THSD4: variants seen among roughly 807,000 people sequenced by gnomAD.
THSD4 encodes the protein thrombospondin type-1 domain-containing protein 4.
THSD4 carries 69 observed loss-of-function variants against 119.0 expected under a neutral mutation model. The observed-to-expected ratio is 0.58, with a 90% CI of 0.48 to 0.71. The LOEUF is 0.71. THSD4 is among the 30% of genes least tolerant of loss of function. The probability of loss-of-function intolerance (pLI) is 0.00; values close to 1 mark genes in which losing one functional copy is unlikely to be tolerated. For synonymous variants in THSD4, 524 were observed against 540.4 expected, an observed-to-expected ratio of 0.97 and a Z score of 0.42; for missense variants, 1,393 against 1,391.1, an observed-to-expected ratio of 1.00 and a Z score of -0.02.
intron 6 of THSD4, among the ~76,000 whole-genome samples, chr15:71,410,686 G>T (rs552817069): frequency 6.6e-6 from 1 of 152,104 alleles, no homozygotes; most frequent in Admixed American, 6.6e-5. Context: ...AGGAAGCTGC[G>T]GCCATTTAAA....
intron 2 of THSD4, among the ~76,000 whole-genome samples, chr15:71,150,199 G>A (rs554569244): frequency 6.6e-6 from 1 of 152,272 alleles, no homozygotes; most frequent in South Asian, 2.1e-4. Context: ...AATAACACAC[G>A]AGTTGCACAC....
intron 6 of THSD4, among the ~76,000 whole-genome samples, chr15:71,265,570 G>C (rs184702475): frequency 4.0e-5 from 6 of 151,500 alleles, no homozygotes; most frequent in African/African-American, 1.2e-4. Context: ...TTTTTTTTTC[G>C]TACCCCAGTG....
intron 7 of THSD4, among the ~76,000 whole-genome samples, chr15:71,500,118 A>G (rs184975338): frequency 7.0e-4 from 107 of 152,208 alleles, no homozygotes; most frequent in Admixed American, 2.7e-3. Flanking sequence ...ATGGGTTCCA[A>G]TTTCTCCACA....
intron 3 of THSD4, among the ~76,000 whole-genome samples, chr15:71,174,543 G>C (rs1200389987): frequency 2.9e-4 from 1 of 3,506 alleles, no homozygotes; most frequent in African/African-American, 8.6e-4. Context: ...ACTGCAAGGC[G>C]GCAACGAGGC....
intron 8 of THSD4, among the ~76,000 whole-genome samples, chr15:71,701,617 G>T (rs1184072322): frequency 6.6e-6 from 1 of 151,998 alleles, no homozygotes; most frequent in Admixed American, 6.6e-5. Flanking sequence ...TAAAAATAAT[G>T]GACTAGCTCT....
At chr15:71,552,876 C>T (rs141928666) in intron 7 of THSD4, among the ~76,000 whole-genome samples, 108 of 152,264 alleles carry the variant, frequency 7.1e-4, no homozygotes, top group African/African-American at 2.3e-3. Flanking sequence ...TCAAGTGATC[C>T]GCCCTCCTTG....
intron 7 of THSD4, among the ~76,000 whole-genome samples, chr15:71,543,402 G>T (rs1321081221): frequency 1.3e-5 from 2 of 152,158 alleles, no homozygotes; most frequent in African/African-American, 4.8e-5. Flanking sequence ...AGATGATGGA[G>T]GGCTGGATGG....
chr15:71,311,526 C>G (rs2045110594), intron 6 of THSD4, among the ~76,000 whole-genome samples: 1 of 152,194 alleles, frequency 6.6e-6, no homozygotes, highest in African/African-American at 2.4e-5. Context: ...CTCCCTGCCC[C>G]TCTTTGTCTG....
chr15:71,111,128 T>C (rs1388786138), upstream of THSD4: 35 of 1,592,800 alleles, frequency 2.2e-5, no homozygotes, highest in Non-Finnish European at 2.6e-5. Flanking sequence ...AAAGTTGTCT[T>C]GTACCAGGTA....
intron 6 of THSD4, among the ~76,000 whole-genome samples, chr15:71,323,406 A>G (rs1484286858): frequency 2.6e-5 from 4 of 152,220 alleles, no homozygotes; most frequent in Non-Finnish European, 5.9e-5. Flanking sequence ...GAAAAGGAGA[A>G]AGAAGGAGCT....
intron 8 of THSD4, among the ~76,000 whole-genome samples, chr15:71,699,412 A>G (rs1460119931): frequency 1.6e-5 from 1 of 62,890 alleles, no homozygotes; most frequent in Non-Finnish European, 2.8e-5. Context: ...ACGGGGTTTC[A>G]CCGTTTTAGC....
chr15:71,488,013 T>C (rs938713255), intron 7 of THSD4, among the ~76,000 whole-genome samples: 1 of 152,190 alleles, frequency 6.6e-6, no homozygotes, highest in African/African-American at 2.4e-5. Context: ...TCTTTTTTCT[T>C]ATTCAGTTAT....
At chr15:71,125,726 G>A (rs750158626) in intron 1 of THSD4, among the ~76,000 whole-genome samples, 39 of 152,228 alleles carry the variant, frequency 2.6e-4, no homozygotes, top group Non-Finnish European at 4.7e-4. Flanking sequence ...GCTCCTGGGT[G>A]TATCTTGGTT....
At chr15:71,204,598 C>T (rs959627499) in intron 3 of THSD4, among the ~76,000 whole-genome samples, 5 of 152,086 alleles carry the variant, frequency 3.3e-5, no homozygotes, top group East Asian at 3.9e-4. Flanking sequence ...ACTGAGGTCC[C>T]GAGCCACAGA....
intron 6 of THSD4, among the ~76,000 whole-genome samples, chr15:71,403,192 A>G (rs1307192122): frequency 6.6e-6 from 1 of 152,106 alleles, no homozygotes; most frequent in Non-Finnish European, 1.5e-5. Context: ...TGGATCCCAC[A>G]CGTTCTACTT....
chr15:71,285,925 ATTAATATCATTG>A (rs1005455955), intron 6 of THSD4, among the ~76,000 whole-genome samples: 2 of 139,762 alleles, frequency 1.4e-5, no homozygotes, highest in African/African-American at 5.2e-5. Flanking sequence ...TAGTTTCTTT[ATTAATATCATTG>A]CAAGAATTTT....
chr15:71,686,478 A>G (rs1567100679), intron 8 of THSD4, among the ~76,000 whole-genome samples: 1 of 152,228 alleles, frequency 6.6e-6, no homozygotes, highest in Admixed American at 6.5e-5. Context: ...TTGTTTTGAG[A>G]TGGCCAGAGC....
intron 17 of THSD4, among the ~76,000 whole-genome samples, chr15:71,774,167 C>T (rs2053871962): frequency 6.6e-6 from 1 of 151,926 alleles, no homozygotes; most frequent in African/African-American, 2.4e-5. Flanking sequence ...AAAAATTAGC[C>T]AGGTGTGGTG....
At chr15:71,285,299 C>T (rs938418572) in intron 6 of THSD4, among the ~76,000 whole-genome samples, 2 of 152,178 alleles carry the variant, frequency 1.3e-5, no homozygotes, top group African/African-American at 4.8e-5. Context: ...CTGGAAGGTC[C>T]TGTGACTATT....
Sources: allele counts gnomAD v4.1 joint callset (sites outside exome capture counted in the v4.1 genomes callset), GRCh38; gene constraint gnomAD v4.1.1; transcripts MANE v1.5; gene names NCBI Gene and HGNC (gene_info 2026-07-23, HGNC 2026-07-21).